COMMD8: variants seen among roughly 807,000 people sequenced by gnomAD.
The protein encoded by COMMD8 is COMM domain containing 8.
In COMMD8, 28 loss-of-function variants were observed where a neutral mutation model predicts 27.2. The observed-to-expected ratio is 1.03, with a 90% CI of 0.76 to 1.41. COMMD8 has a LOEUF of 1.41. Ranked by LOEUF, COMMD8 falls within the 40% of genes most tolerant of loss-of-function variation. The pLI, the probability that COMMD8 is intolerant of heterozygous loss-of-function variation, is 0.00. For synonymous variants in COMMD8, 79 were observed against 75.5 expected (o/e 1.05, Z -0.24); for missense variants, 217 against 211.2 (o/e 1.03, Z -0.17).
intron 1 of COMMD8, among the ~76,000 whole-genome samples, chr4:47,460,555 G>A (rs1729997878): frequency 6.6e-6 from 1 of 151,914 alleles, no homozygotes; most frequent in Non-Finnish European, 1.5e-5. Flanking sequence ...AAAACTAAAA[G>A]GAAGATACAT....
Position 47,459,807 on chromosome 4 carries a change from G to A in COMMD8, c.222+337C>T, listed in dbSNP as rs557139038. 6 of 178,166 alleles carry A rather than the reference G, an allele frequency of 3.4e-5. No homozygotes were observed. In the South Asian group the frequency reaches 5.9e-4, roughly 18 times the overall value. The allele number at this position is 178,166 out of a possible 1,614,324, so 11.0% of individuals were successfully genotyped here. On this transcript the variant is annotated intron_variant, in intron 2 of 4. Transcript: ENST00000381571. The stretch of plus-strand genomic sequence containing the variant: ...GGTAAGAGTGGGATATCCAGGAGGG[G>A]GATAAGGGAATTTAGGTTATCTTTG...
Position 47,453,239 on chromosome 4 carries a change from A to C in COMMD8, c.376-25T>G, listed in dbSNP as rs754841816. The C allele has an allele frequency of 4.4e-6, 7 of 1,598,060 alleles. No individual in the cohort carries two copies. In the African/African-American group the frequency reaches 9.5e-5, roughly 22 times the overall value. On this transcript the variant is annotated intron_variant, in intron 3 of 4. Transcript: ENST00000381571. ...GCTGTTTAAAATCAGAAAAATAGCA[A>C]TTAATAAATAGTAAAAAGAACTATA...
chr4:47,451,357 T>A lies in COMMD8; in HGVS notation c.*288A>T. 1 of 358,196 alleles carries A rather than the reference T, an allele frequency of 2.8e-6. No individual in the cohort carries two copies. The highest frequency in any genetic ancestry group is 5.0e-6 in the Non-Finnish European group (1 of 198,274). 22.2% of individuals were successfully genotyped at this position (358,196 alleles called of 1,614,324 possible). A position where few individuals can be genotyped will look rare whatever the true frequency, so the allele number is the denominator to read the frequency against. ...CTATTTTTAGCTTTCAATAAAACTA[T>A]GTATCTCCAAAGATTTCTCAAATAT... On this transcript the variant is annotated 3_prime_UTR_variant, in exon 5 of 5. Transcript: ENST00000381571.
Position 47,453,173 on chromosome 4 carries a change from T to G in COMMD8, c.417A>C (p.Pro139=), listed in dbSNP as rs771533913. 1 of 1,613,936 alleles carries G rather than the reference T, an allele frequency of 6.2e-7. No homozygotes were observed. The highest frequency in any genetic ancestry group is 8.5e-7 in the Non-Finnish European group (1 of 1,179,950). Residue 139 remains proline, a synonymous_variant, in exon 4 of 5, where the codon CCA becomes CCC. Transcript: ENST00000381571. ...TTACATCTAGATGCAGGCTTAAAAG[T>G]GGCATTCGTAATGCAGCAATCTTGT... is the stretch of plus-strand genomic sequence containing the variant. ...SSDKIAALRM[P]LLSLHLDVKE...
intron 3 of COMMD8, among the ~76,000 whole-genome samples, chr4:47,454,852 G>A (rs868858270): frequency 5.1e-4 from 42 of 82,644 alleles, no homozygotes; most frequent in African/African-American, 1.2e-3. Flanking sequence ...CACCAAGAGC[G>A]AAACTCCATC....
At chr4:47,460,485 CTAT>C (rs1729996644) in intron 1 of COMMD8, among the ~76,000 whole-genome samples, 186 bp from the exon 2 acceptor site, 2 of 152,026 alleles carry the variant, frequency 1.3e-5, no homozygotes, top group South Asian at 2.1e-4. Context: ...CCTAGACTTT[CTAT>C]TATTATGTTG....
chr4:47,462,718 A>C (rs775276621), intron 1 of COMMD8, among the ~76,000 whole-genome samples: 13 of 152,200 alleles, frequency 8.5e-5, no homozygotes, highest in Non-Finnish European at 1.6e-4. Flanking sequence ...CATAAGTTCC[A>C]GCTCTGCCAC....
chr4:47,458,521 G>A (rs1433795878), intron 2 of COMMD8, among the ~76,000 whole-genome samples: 2 of 152,024 alleles, frequency 1.3e-5, no homozygotes, highest in Non-Finnish European at 2.9e-5. Flanking sequence ...TACAAAATAC[G>A]AGAGAGACAA....
At chr4:47,461,071 G>C (rs563087533) in intron 1 of COMMD8, among the ~76,000 whole-genome samples, 1 of 152,264 alleles carries the variant, frequency 6.6e-6, no homozygotes, top group East Asian at 1.9e-4. Flanking sequence ...TAATCTTGCT[G>C]TAAGGATGGA....
At position 47,463,613 on chromosome 4, in the gene COMMD8, C is replaced by T. The variant is rs1355139806; in HGVS notation, c.39G>A (p.Gln13=). The change falls in exon 1 of 5, where the codon CAG becomes CAA. Residue 13 remains glutamine (Q), a synonymous_variant. Coordinates refer to ENST00000381571, the MANE Select transcript of COMMD8 (RefSeq NM_017845.5). The part of the protein sequence containing the change: ...PEEGTPLWRL[Q]KLPAELGPQL... Reference sequence around the variant, plus strand: ...GCGGGCCCAGCTCGGCCGGCAGCTTCTGCAGCCGCCACAAGGGCGTCCCCT... The same window carrying T: ...GCGGGCCCAGCTCGGCCGGCAGCTTTTGCAGCCGCCACAAGGGCGTCCCCT... 1 of 1,547,920 alleles carries T rather than the reference C, an allele frequency of 6.5e-7. No individual in the cohort carries two copies. Among genetic ancestry groups the T allele is most frequent in the Non-Finnish European group, 8.7e-7 (1 of 1,146,298 alleles).
rs1388674026 is a variant in COMMD8, at chr4:47,453,156, A to G, written c.434T>C (p.Leu145Pro). 1 of 1,613,876 alleles carries G rather than the reference A, an allele frequency of 6.2e-7. No homozygotes were observed. The highest frequency in any genetic ancestry group is 1.7e-5 in the Admixed American group (1 of 60,008). ...TACTTCACCATTTTCTTTTACATCTAGATGCAGGCTTAAAAGTGGCATTCG... is the reference window on the plus strand; with the variant it reads ...TACTTCACCATTTTCTTTTACATCTGGATGCAGGCTTAAAAGTGGCATTCG... ...ALRMPLLSLH[L>P]DVKENGEVKP... The change falls in exon 4 of 5, where the codon CTA (leucine) becomes CCA (proline). Residue 145 changes from leucine to proline, a missense_variant. By Grantham distance (98) the Leu-to-Pro change is moderately conservative (BLOSUM62 -3). Coordinates refer to ENST00000381571, the MANE Select transcript of COMMD8 (RefSeq NM_017845.5).
In COMMD8 at chr4:47,456,835, A is replaced by G. The variant is rs1729907380; in HGVS notation, c.223-106T>C. 6.4e-6 allele frequency: 5 copies of G among 778,456 alleles called. No individual in the cohort carries two copies. In the Admixed American group the frequency reaches 1.8e-4, roughly 28 times the overall value. 48.2% of individuals were successfully genotyped at this position (778,456 alleles called of 1,614,324 possible). A position where few individuals can be genotyped will look rare whatever the true frequency, so the allele number is the denominator to read the frequency against. ...AAAGCAACAGTAAAAGAAAAAGAGA[A>G]ATACTTCTGTAACTATAAAAAAGAG... On this transcript the variant is annotated intron_variant, in intron 2 of 4. Transcript: ENST00000381571.
chr4:47,453,186 G>A lies in COMMD8; in HGVS notation c.404C>T (p.Ala135Val). 1 of 1,613,824 alleles carries A rather than the reference G, an allele frequency of 6.2e-7. No homozygotes were observed. The highest frequency in any genetic ancestry group is 8.5e-7 in the Non-Finnish European group (1 of 1,179,880). ...KLALSSDKIA[A>V]LRMPLLSLHL... Reference sequence around the variant, plus strand: ...CAGGCTTAAAAGTGGCATTCGTAATGCAGCAATCTTGTCACTGGAAAGTGC... The same window carrying A: ...CAGGCTTAAAAGTGGCATTCGTAATACAGCAATCTTGTCACTGGAAAGTGC... Residue 135 changes from alanine to valine, a missense_variant, in exon 4 of 5, where the codon GCA becomes GTA. Physicochemically the swap from Ala to Val is moderately conservative, Grantham distance 64. Transcript: ENST00000381571.
chr4:47,463,588 G>T lies in COMMD8; in HGVS notation c.64C>A (p.Gln22Lys). ...CTTCCCCCGGTACCCGCCCTCACCT[G>T]CGGGCCCAGCTCGGCCGGCAGCTTC... ...LQKLPAELGPQLLHKIIDGIC... is the reference protein window; with the variant it reads ...LQKLPAELGPKLLHKIIDGIC... The change falls in exon 1 of 5, where the codon CAG becomes AAG. Residue 22 changes from glutamine to lysine, a missense_variant and splice_region_variant. Physicochemically the swap from Gln to Lys is moderately conservative, Grantham distance 53 (BLOSUM62 1). Transcript: ENST00000381571. 1 of 1,544,976 alleles carries T rather than the reference G, an allele frequency of 6.5e-7. No individual in the cohort carries two copies.
At chr4:47,456,467 T>C in intron 3 of COMMD8, 110 bp downstream of exon 3, 2 of 689,406 alleles carry the variant, frequency 2.9e-6, no homozygotes, top group Non-Finnish European at 4.4e-6. Flanking sequence ...TGATATTTCT[T>C]TGGGATAATA....
chr4:47,456,933 T>G (rs1729909919), intron 2 of COMMD8, among the ~76,000 whole-genome samples: 1 of 152,180 alleles, frequency 6.6e-6, no homozygotes, highest in South Asian at 2.1e-4. Context: ...GAAAAAGGAC[T>G]GATGGAAGCA....
chr4:47,452,978 C>G lies in COMMD8; in HGVS notation c.531+81G>C, dbSNP rs1043488164. Reference sequence around the variant, plus strand: ...GCCGTTGCCCCTCCAGCCTGGGTGACAGAGTGAGACTCCAACGCAAACAAA... The same window carrying G: ...GCCGTTGCCCCTCCAGCCTGGGTGAGAGAGTGAGACTCCAACGCAAACAAA... On this transcript the variant is annotated intron_variant, in intron 4 of 4. Coordinates refer to ENST00000381571, the MANE Select transcript of COMMD8 (RefSeq NM_017845.5). 13 of 1,261,072 alleles carry G rather than the reference C, an allele frequency of 1.0e-5. No homozygotes were observed. In the East Asian group the frequency reaches 3.1e-4, roughly 30 times the overall value. 78.1% of individuals were successfully genotyped at this position (1,261,072 alleles called of 1,614,324 possible).
chr4:47,451,698 T>C, intron 4 of COMMD8, 33 bp from the exon 5 acceptor site: 1 of 1,529,906 alleles, frequency 6.5e-7, no homozygotes, highest in Non-Finnish European at 8.8e-7. Context: ...AAATATCAGG[T>C]TATACAAGAC....
rs1729741812 is a variant in COMMD8 at position 47,451,166 on chromosome 4, G to T, written c.*479C>A. On this transcript the variant is annotated 3_prime_UTR_variant, in exon 5 of 5. Transcript: ENST00000381571. ...AATCTTTCCTCTGAAATATGAGAAA[G>T]ACATGGAATCTCCTGAGTTATATAT... The T allele has an allele frequency of 6.6e-6, 1 of 152,624 alleles. No individual in the cohort carries two copies. Among genetic ancestry groups the T allele is most frequent in the Admixed American group, 6.5e-5 (1 of 15,276 alleles). 9.5% of individuals were successfully genotyped at this position (152,624 alleles called of 1,614,324 possible).
Sources: gnomAD v4.1 joint callset for allele counts (sites outside exome capture counted in the v4.1 genomes callset) on GRCh38, gnomAD v4.1.1 for gene constraint, MANE v1.5 for transcripts, NCBI Gene and HGNC (gene_info 2026-07-23, HGNC 2026-07-21) for gene names.